Variants in DMAC2 observed in about 807,000 individuals in gnomAD.
DMAC2 encodes the protein distal membrane arm assembly component 2.
DMAC2 carries 32 observed loss-of-function variants against 29.6 expected under a neutral mutation model. The observed-to-expected ratio is 1.08, with a 90% CI of 0.81 to 1.45. The LOEUF (loss-of-function observed/expected upper bound fraction) is 1.45. DMAC2 is among the 40% of genes most tolerant of loss of function. DMAC2 has a pLI of 0.00. For missense variants in DMAC2, 319 were observed against 340.0 expected (o/e 0.94, Z 0.49); for synonymous variants, 133 against 137.4 (o/e 0.97, Z 0.23).
chr19:41,437,228 C>G (rs2039913993), intron 2 of DMAC2, among the ~76,000 whole-genome samples: 1 of 151,666 alleles, frequency 6.6e-6, no homozygotes, highest in Admixed American at 6.6e-5. Flanking sequence ...GGTGAAACCC[C>G]ATCTCTACTA....
chr19:41,433,063 C>T (rs2039658990), intron 5 of DMAC2: 1 of 605,674 alleles, frequency 1.7e-6, no homozygotes, highest in Non-Finnish European at 2.7e-6. Flanking sequence ...ACAGTTTTGA[C>T]TAAAACAAAA....
In DMAC2 at chr19:41,438,394, G is replaced by A. The variant is rs781969939; in HGVS notation, c.39C>T (p.Pro13=). The A allele has an allele frequency of 3.7e-6, 6 of 1,613,888 alleles. No individual in the cohort carries two copies. In the South Asian group the frequency reaches 6.6e-5, roughly 18 times the overall value. The stretch of plus-strand genomic sequence containing the variant: ...TGCCCCTGATACGCCCATTCCACAT[G>A]GGGGCGACCAGGCGCAGGGACTGGG... The part of the protein sequence containing the change: ...APWASLRLVA[P]MWNGRIRGIH... Residue 13 remains proline (P), a synonymous_variant, in exon 2 of 6, where the codon CCC becomes CCT. Transcript: ENST00000221943.
In DMAC2 at chr19:41,433,679, A is replaced by C; in HGVS notation, c.297-6T>G. ...TCCACTCCTTGTCTCGAAACCTGGA[A>C]ACGGGAAAGGGAGTGTCAGCAGGGC... On this transcript the variant is annotated splice_region_variant and splice_polypyrimidine_tract_variant and intron_variant, in intron 3 of 5. Transcript: ENST00000221943. 6.2e-7 allele frequency: 1 copy of C among 1,614,226 alleles called. No homozygotes were observed. Among genetic ancestry groups the C allele is most frequent in the Non-Finnish European group, 8.5e-7 (1 of 1,180,032 alleles).
Position 41,431,575 on chromosome 19 carries a change from C to A in DMAC2, c.*656G>T. Reference sequence around the variant, plus strand: ...GGTGCTGGGGAAGCCACATGCACTGCGGCGTCCAGAGGCAGAAGCACAACC... The same window carrying A: ...GGTGCTGGGGAAGCCACATGCACTGAGGCGTCCAGAGGCAGAAGCACAACC... On this transcript the variant is annotated 3_prime_UTR_variant, in exon 6 of 6. Transcript: ENST00000221943. The A allele has an allele frequency of 3.1e-6, 1 of 320,576 alleles. No homozygotes were observed. Among genetic ancestry groups the A allele is most frequent in the Non-Finnish European group, 6.1e-6 (1 of 163,904 alleles). The allele number at this position is 320,576 out of a possible 1,614,324, so 19.9% of individuals were successfully genotyped here. A position where few individuals can be genotyped will look rare whatever the true frequency, so the allele number is the denominator to read the frequency against.
rs2039974677 is a variant in DMAC2 at position 41,438,293 on chromosome 19, T to C, written c.140A>G (p.Asn47Ser). 1.2e-6 allele frequency: 2 copies of C among 1,614,152 alleles called. No homozygotes were observed. The highest frequency in any genetic ancestry group is 1.7e-6 in the Non-Finnish European group (2 of 1,180,052). Residue 47 changes from asparagine (N) to serine (S), a missense_variant, in exon 2 of 6, where the codon AAC becomes AGC. By Grantham distance (46) the Asn-to-Ser change is conservative. Transcript: ENST00000221943. The stretch of plus-strand genomic sequence containing the variant: ...CAGAGCCTCCACATCGTAGAAATAG[T>C]TGGTCAGGAACTGGAGTATTGTCCT... Reference protein sequence around the residue: ...KKRTILQFLTNYFYDVEALRD... With the variant: ...KKRTILQFLTSYFYDVEALRD...
intron 1 of DMAC2, chr19:41,439,572 T>A (rs782567554): frequency 1.4e-4 from 216 of 1,528,460 alleles, no homozygotes; most frequent in Non-Finnish European, 1.8e-4. Flanking sequence ...GTCCATTAGC[T>A]CCTTGTGTCA....
chr19:41,432,137 G>T lies in DMAC2; in HGVS notation c.*94C>A. The T allele has an allele frequency of 7.1e-7, 1 of 1,412,264 alleles. No individual in the cohort carries two copies. Among genetic ancestry groups the T allele is most frequent in the Non-Finnish European group, 9.8e-7 (1 of 1,025,260 alleles). 87.5% of individuals were successfully genotyped at this position (1,412,264 alleles called of 1,614,324 possible). A position where few individuals can be genotyped will look rare whatever the true frequency, so the allele number is the denominator to read the frequency against. ...AGCACCACTCCCCCACCCTGACGTT[G>T]AGTGAAGACAAATGGAAGCCAGAAG... is the stretch of plus-strand genomic sequence containing the variant. On this transcript the variant is annotated 3_prime_UTR_variant, in exon 6 of 6. Coordinates refer to ENST00000221943, the MANE Select transcript of DMAC2 (RefSeq NM_018035.3).
At chr19:41,437,217 T>C (rs185368032) in intron 2 of DMAC2, among the ~76,000 whole-genome samples, 1 of 151,608 alleles carries the variant, frequency 6.6e-6, no homozygotes, top group Non-Finnish European at 1.5e-5. Flanking sequence ...CTGGCCAACA[T>C]GGTGAAACCC....
At chr19:41,433,473 T>G in intron 4 of DMAC2, 39 bp from the exon 5 acceptor site, 6 of 1,612,704 alleles carry the variant, frequency 3.7e-6, no homozygotes, top group Non-Finnish European at 5.1e-6. Context: ...CAGGAGCCTT[T>G]CTGGAGCCCA....
chr19:41,435,800 A>C (rs1454082823), intron 3 of DMAC2, among the ~76,000 whole-genome samples: 1 of 151,526 alleles, frequency 6.6e-6, no homozygotes, highest in Non-Finnish European at 1.5e-5. Context: ...GCCTCCAGTG[A>C]CCTTCCTGTC....
At chr19:41,439,749 C>T (rs2040057961) in intron 1 of DMAC2, 133 bp downstream of exon 1, 1 of 1,472,758 alleles carries the variant, frequency 6.8e-7, no homozygotes, top group Non-Finnish European at 9.4e-7. Context: ...GTTTGCACTC[C>T]CAGTACGGGG....
intron 5 of DMAC2, chr19:41,432,704 A>AGG: frequency 3.3e-6 from 1 of 298,830 alleles, no homozygotes; most frequent in Admixed American, 6.4e-5. Flanking sequence ...GTATAAGGAC[A>AGG]GCGTGTGTGT....
At position 41,433,687 on chromosome 19, in the gene DMAC2, AG is replaced by A. The variant is rs782499765; in HGVS notation, c.297-15del. 29 of 1,614,016 alleles carry A rather than the reference AG, an allele frequency of 1.8e-5. No homozygotes were observed. Among genetic ancestry groups the A allele is most frequent in the Non-Finnish European group, 8.5e-7 (1 of 1,179,968 alleles). ...TTGTCTCGAAACCTGGAAACGGGAA[AG>A]GGAGTGTCAGCAGGGCACCTGAACC... On this transcript the variant is annotated splice_polypyrimidine_tract_variant and intron_variant, in intron 3 of 5. Transcript: ENST00000221943.
intron 1 of DMAC2, chr19:41,439,087 C>A: frequency 5.0e-6 from 1 of 200,892 alleles, no homozygotes; most frequent in Non-Finnish European, 1.0e-5. Context: ...GTATAAAAAG[C>A]ATGAGCTTTG....
At chr19:41,432,777 AGCGTGCGTGTGTGT>A (rs2039622130) in intron 5 of DMAC2, 9 of 301,806 alleles carry the variant, frequency 3.0e-5, no homozygotes, top group Admixed American at 1.5e-4. Flanking sequence ...GGTACAGGAC[AGCGTGCGTGTGTGT>A]GTGTGTGTGT....
chr19:41,436,591 G>A (rs1313618064), intron 2 of DMAC2, 119 bp from the exon 3 acceptor site: 2 of 827,568 alleles, frequency 2.4e-6, no homozygotes, highest in Non-Finnish European at 3.9e-6. Flanking sequence ...GATTCAGTCA[G>A]GCTGAAAATA....
intron 3 of DMAC2, among the ~76,000 whole-genome samples, chr19:41,434,152 T>C (rs1555770487): frequency 1.3e-5 from 2 of 152,010 alleles, no homozygotes; most frequent in African/African-American, 4.8e-5. Context: ...GGAGAATTGT[T>C]TGAACCTGGG....
At chr19:41,433,773 A>G in intron 3 of DMAC2, 100 bp from the exon 4 acceptor site, 1 of 1,453,714 alleles carries the variant, frequency 6.9e-7, no homozygotes, top group Non-Finnish European at 9.4e-7. Context: ...TGTATAGGTC[A>G]CCCTTGACAT....
At position 41,438,276 on chromosome 19, in the gene DMAC2, C is replaced by G. The variant is rs1245638025; in HGVS notation, c.157G>C (p.Glu53Gln). The change falls in exon 2 of 6, where the codon GAG becomes CAG. Residue 53 changes from glutamate (E) to glutamine (Q), a missense_variant. Physicochemically the swap from Glu to Gln is conservative, Grantham distance 29 (BLOSUM62 2). Coordinates refer to ENST00000221943, the MANE Select transcript of DMAC2 (RefSeq NM_018035.3). The part of the protein sequence containing the change: ...QFLTNYFYDV[E>Q]ALRDYLLQRE... ...TGGAGCAAGTAATCCCTCAGAGCCT[C>G]CACATCGTAGAAATAGTTGGTCAGG... is the stretch of plus-strand genomic sequence containing the variant. 1.2e-6 allele frequency: 2 copies of G among 1,614,276 alleles called. No individual in the cohort carries two copies. Among genetic ancestry groups the G allele is most frequent in the East Asian group, 4.5e-5 (2 of 44,892 alleles).
Sources: gnomAD v4.1 joint callset for allele counts (sites outside exome capture counted in the v4.1 genomes callset) on GRCh38, gnomAD v4.1.1 for gene constraint, MANE v1.5 for transcripts, NCBI Gene and HGNC (gene_info 2026-07-23, HGNC 2026-07-21) for gene names.